The following SLIT3 variants were observed in gnomAD, a reference collection of about 807,000 sequenced individuals.
SLIT3 encodes the protein slit homolog 3 protein.
SLIT3 carries 68 observed loss-of-function variants against 184.0 expected under a neutral mutation model. The observed-to-expected ratio is 0.37, with a 90% CI of 0.30 to 0.45. SLIT3 has a LOEUF of 0.45. SLIT3 is among the 20% of genes least tolerant of loss of function. The pLI is 1.00. For missense variants in SLIT3, 1,707 were observed against 2,026.0 expected, an observed-to-expected ratio of 0.84 and a Z score of 3.02; for synonymous variants, 831 against 828.6, an observed-to-expected ratio of 1.00 and a Z score of -0.05.
At chr5:168,784,008 A>C (rs928277381) in intron 12 of SLIT3, among the ~76,000 whole-genome samples, 5 of 152,184 alleles carry the variant, frequency 3.3e-5, no homozygotes, top group Non-Finnish European at 5.9e-5. Context: ...GCTGAGATAC[A>C]CATCTTTTTA....
chr5:168,794,931 T>C (rs902865935), intron 10 of SLIT3, among the ~76,000 whole-genome samples: 2 of 152,130 alleles, frequency 1.3e-5, no homozygotes, highest in African/African-American at 2.4e-5. Context: ...AAAGACACCC[T>C]CCCACCATCA....
intron 3 of SLIT3, among the ~76,000 whole-genome samples, chr5:169,206,133 T>C (rs1301022853): frequency 1.3e-5 from 2 of 152,240 alleles, no homozygotes; most frequent in African/African-American, 2.4e-5. Context: ...CAGGGCTATG[T>C]TGGGGGCAGG....
intron 1 of SLIT3, among the ~76,000 whole-genome samples, chr5:169,296,992 T>C (rs995584346): frequency 3.9e-5 from 6 of 152,298 alleles, no homozygotes; most frequent in Admixed American, 1.3e-4. Context: ...CTGCCTCCTC[T>C]TTTTCCAGGC....
chr5:168,825,713 C>T (rs182585518), intron 6 of SLIT3, among the ~76,000 whole-genome samples: 1 of 152,298 alleles, frequency 6.6e-6, no homozygotes, highest in East Asian at 1.9e-4. Flanking sequence ...TGCCTCTGTC[C>T]ATCCAGAAAG....
intron 4 of SLIT3, among the ~76,000 whole-genome samples, chr5:169,104,200 C>T (rs1760118394): frequency 6.6e-6 from 1 of 152,154 alleles, no homozygotes; most frequent in Admixed American, 6.5e-5. Flanking sequence ...GGTCCCTTGC[C>T]AAGAGGTGCA....
At chr5:169,203,131 T>C (rs1426790121) in intron 3 of SLIT3, among the ~76,000 whole-genome samples, 3 of 152,148 alleles carry the variant, frequency 2.0e-5, no homozygotes, top group Non-Finnish European at 4.4e-5. Context: ...CCAGGATGGC[T>C]GACTCACAGG....
Position 169,052,849 on chromosome 5 carries a change from G to A in SLIT3, c.413+140630C>T, listed in dbSNP as rs997745160. On this transcript the variant is annotated intron_variant, in intron 4 of 35. Coordinates refer to ENST00000519560, the MANE Select transcript of SLIT3 (RefSeq NM_003062.4). ...CTGTCTGGTGCCTGCAAATTCAATC[G>A]GCCTTTTCCTGGGGAGCACCCACCC... Among the ~76,000 whole-genome samples the A allele has an allele frequency of 2.6e-4, 40 of 152,032 alleles. 1 individual carries two copies. Among genetic ancestry groups the A allele is most frequent in the African/African-American group, 1.9e-4 (8 of 41,394 alleles).
At chr5:169,016,576 T>C (rs1756383400) in intron 4 of SLIT3, among the ~76,000 whole-genome samples, 1 of 152,216 alleles carries the variant, frequency 6.6e-6, no homozygotes, top group Non-Finnish European at 1.5e-5. Flanking sequence ...ATATAATACA[T>C]GTAATTCTTA....
At chr5:169,154,047 AC>A (rs1762214761) in intron 4 of SLIT3, among the ~76,000 whole-genome samples, 1 of 146,102 alleles carries the variant, frequency 6.8e-6, no homozygotes, top group African/African-American at 2.6e-5. Flanking sequence ...ATCTCAGCTC[AC>A]TGCAAGCTCC....
intron 4 of SLIT3, among the ~76,000 whole-genome samples, chr5:169,188,787 G>T (rs1187041187): frequency 6.6e-6 from 1 of 152,188 alleles, no homozygotes; most frequent in Non-Finnish European, 1.5e-5. Flanking sequence ...ACAACATGGA[G>T]AGGTCAGTTC....
chr5:169,015,931 A>AACACACAC (rs3138760), intron 4 of SLIT3, among the ~76,000 whole-genome samples: 55 of 120,378 alleles, frequency 4.6e-4, no homozygotes, highest in East Asian at 2.4e-3. Context: ...GAAAAATATA[A>AACACACAC]ACACACACAC....
At chr5:168,742,651 T>G (rs1264724942) in intron 20 of SLIT3, among the ~76,000 whole-genome samples, 1 of 133,272 alleles carries the variant, frequency 7.5e-6, no homozygotes, top group South Asian at 2.6e-4. Context: ...CTAATGTGAC[T>G]GAGTGCTTCT....
intron 9 of SLIT3, among the ~76,000 whole-genome samples, chr5:168,797,748 C>T (rs1432713877): frequency 6.6e-6 from 1 of 152,146 alleles, no homozygotes; most frequent in Non-Finnish European, 1.5e-5. Flanking sequence ...TTTAATCCTT[C>T]CACTTGTGAG....
chr5:169,036,734 C>A (rs113299933), intron 4 of SLIT3, among the ~76,000 whole-genome samples: 2 of 152,030 alleles, frequency 1.3e-5, no homozygotes, highest in Non-Finnish European at 2.9e-5. Flanking sequence ...GACACATGCT[C>A]GATAAACCAA....
chr5:169,155,835 C>T (rs910658015), intron 4 of SLIT3, among the ~76,000 whole-genome samples: 2 of 152,182 alleles, frequency 1.3e-5, no homozygotes, highest in African/African-American at 4.8e-5. Flanking sequence ...GTTAGAAGGA[C>T]CACCACTACT....
chr5:168,841,398 CT>C (rs912202618), intron 6 of SLIT3, among the ~76,000 whole-genome samples: 1 of 152,168 alleles, frequency 6.6e-6, no homozygotes, highest in Admixed American at 6.5e-5. Context: ...ATTATTCCTC[CT>C]CCGTAGTGGC....
intron 4 of SLIT3, among the ~76,000 whole-genome samples, chr5:169,061,008 T>C (rs1758157192): frequency 6.6e-6 from 1 of 152,196 alleles, no homozygotes; most frequent in South Asian, 2.1e-4. Flanking sequence ...TTTGAGCAAC[T>C]TTGTCACCTC....
intron 7 of SLIT3, among the ~76,000 whole-genome samples, chr5:168,821,197 C>T (rs1270045524): frequency 6.6e-6 from 1 of 152,214 alleles, no homozygotes; most frequent in Non-Finnish European, 1.5e-5. Flanking sequence ...TCTTCCCCCG[C>T]CCTACTGCAG....
chr5:168,803,318 G>C (rs890616005), intron 9 of SLIT3, among the ~76,000 whole-genome samples: 1 of 152,154 alleles, frequency 6.6e-6, no homozygotes, highest in African/African-American at 2.4e-5. Flanking sequence ...GAATATTTTT[G>C]CTCAATAGAA....
Sources: gnomAD v4.1 joint callset for allele counts (sites outside exome capture counted in the v4.1 genomes callset) on GRCh38, gnomAD v4.1.1 for gene constraint, MANE v1.5 for transcripts, NCBI Gene and HGNC (gene_info 2026-07-23, HGNC 2026-07-21) for gene names.